TANGO6: variants seen among roughly 807,000 people sequenced by gnomAD.
The protein encoded by TANGO6 is transport and Golgi organization protein 6 homolog.
Under a neutral mutation model 114.2 loss-of-function variants are expected in TANGO6, and 90 were observed. That is an observed-to-expected ratio of 0.79 (90% CI 0.66 to 0.94). TANGO6 has a LOEUF of 0.94. TANGO6 is among the 40% of genes least tolerant of loss of function. The probability of loss-of-function intolerance (pLI) is 0.00; values close to 1 mark genes in which losing one functional copy is unlikely to be tolerated. For synonymous variants in TANGO6, 477 were observed against 509.8 expected (o/e 0.94, Z 0.87); for missense variants, 1,274 against 1,315.3 (o/e 0.97, Z 0.49).
chr16:68,936,863 C>T (rs1047243621), intron 14 of TANGO6, among the ~76,000 whole-genome samples: 3 of 151,780 alleles, frequency 2.0e-5, no homozygotes, highest in African/African-American at 7.3e-5. Flanking sequence ...TGAAAGCATG[C>T]CAGTGTGTAG....
At chr16:68,851,134 TA>T (rs1961896372) in intron 1 of TANGO6, among the ~76,000 whole-genome samples, 1 of 152,092 alleles carries the variant, frequency 6.6e-6, no homozygotes, top group African/African-American at 2.4e-5. Context: ...ATACTATATA[TA>T]TTTTTTTCTG....
At chr16:68,848,966 C>T (rs1596986460) in intron 1 of TANGO6, among the ~76,000 whole-genome samples, 1 of 152,188 alleles carries the variant, frequency 6.6e-6, no homozygotes, top group South Asian at 2.1e-4. Context: ...TTTCCTGCCC[C>T]ATTTTTGAAA....
At chr16:69,063,824 T>TTA (rs1423229985) in intron 17 of TANGO6, among the ~76,000 whole-genome samples, 2 of 143,040 alleles carry the variant, frequency 1.4e-5, no homozygotes, top group Admixed American at 1.4e-4. Context: ...ATTATTATTA[T>TTA]TATTATTATT....
intron 15 of TANGO6, among the ~76,000 whole-genome samples, chr16:68,992,936 G>C (rs1002514335): frequency 2.0e-5 from 3 of 152,076 alleles, no homozygotes; most frequent in African/African-American, 7.2e-5. Flanking sequence ...GGGCGTGGTG[G>C]CTCGCGCCTG....
At chr16:68,943,587 A>G (rs902372636) in intron 14 of TANGO6, among the ~76,000 whole-genome samples, 1 of 151,894 alleles carries the variant, frequency 6.6e-6, no homozygotes, top group South Asian at 2.1e-4. Flanking sequence ...GGATGGTCTC[A>G]ATCTCCTTAC....
At chr16:68,868,219 G>A (rs1298520607) in intron 4 of TANGO6, among the ~76,000 whole-genome samples, 1 of 151,766 alleles carries the variant, frequency 6.6e-6, no homozygotes, top group Non-Finnish European at 1.5e-5. Flanking sequence ...CAAACTTTGG[G>A]ATGAAGTTTT....
intron 7 of TANGO6, among the ~76,000 whole-genome samples, chr16:68,892,499 G>A (rs2152176908): frequency 6.6e-6 from 1 of 151,380 alleles, no homozygotes; most frequent in African/African-American, 2.4e-5. Flanking sequence ...GGTAAGTGGA[G>A]GTTCAGTCTT....
intron 16 of TANGO6, among the ~76,000 whole-genome samples, chr16:69,032,449 G>A (rs933138591): frequency 1.3e-5 from 2 of 151,760 alleles, no homozygotes; most frequent in African/African-American, 4.8e-5. Context: ...TCTATTTTTA[G>A]TAGAGGCAGG....
rs112762612 is a variant in TANGO6 at position 68,948,024 on chromosome 16, G to GATATATATAT, written c.2701+17738_2701+17747dup. Among the ~76,000 whole-genome samples, 402 of 147,658 alleles carry GATATATATAT rather than the reference G, an allele frequency of 2.7e-3. 2 individuals are homozygous for GATATATATAT. Among genetic ancestry groups the GATATATATAT allele is most frequent in the East Asian group, 0.016 (80 of 5,032 alleles). Reference sequence around the variant, plus strand: ...TACCTTATCTTACTACAGTGCAGCTGATATATATATATATATATGATGCCT... The same window carrying GATATATATAT: ...TACCTTATCTTACTACAGTGCAGCTGATATATATATATATATATATATATATATGATGCCT... On this transcript the variant is annotated intron_variant, in intron 14 of 17. Transcript: ENST00000261778.
chr16:68,982,634 T>TTTTTA (rs1963849135), intron 15 of TANGO6, among the ~76,000 whole-genome samples: 1 of 130,428 alleles, frequency 7.7e-6, no homozygotes, highest in African/African-American at 3.2e-5. Context: ...CCTGGCCTTT[T>TTTTTA]TTTTTTTTTT....
At chr16:69,065,569 A>G (rs1011974646) in intron 17 of TANGO6, among the ~76,000 whole-genome samples, 9 of 152,182 alleles carry the variant, frequency 5.9e-5, no homozygotes, top group Admixed American at 2.0e-4. Flanking sequence ...GTAGCCAGAA[A>G]GGGTAAAAGT....
At chr16:68,965,806 CAAT>C (rs1285068350) in intron 14 of TANGO6, among the ~76,000 whole-genome samples, 1 of 151,236 alleles carries the variant, frequency 6.6e-6, no homozygotes, top group Non-Finnish European at 1.5e-5. Flanking sequence ...CTCAAAATAA[CAAT>C]AATAATAATA....
chr16:68,918,392 C>G (rs1304514193), intron 11 of TANGO6, among the ~76,000 whole-genome samples: 3 of 152,164 alleles, frequency 2.0e-5, no homozygotes, highest in Non-Finnish European at 2.9e-5. Flanking sequence ...TACTTTCTTT[C>G]ACGGATTGTG....
Position 69,023,901 on chromosome 16 carries a change from T to A in TANGO6, c.2994+922T>A, listed in dbSNP as rs150198689. On this transcript the variant is annotated intron_variant, in intron 16 of 17. Coordinates refer to ENST00000261778, the MANE Select transcript of TANGO6 (RefSeq NM_024562.2). Reference sequence around the variant, plus strand: ...AGAAGCTTTTCTGGTTTTAGAGTTTTTTATTATTATTATTATTATTATTTG... The same window carrying A: ...AGAAGCTTTTCTGGTTTTAGAGTTTATTATTATTATTATTATTATTATTTG... Among the ~76,000 whole-genome samples the A allele has an allele frequency of 1.3e-3, 197 of 151,896 alleles. 2 individuals are homozygous for A. The highest frequency in any genetic ancestry group is 1.9e-3 in the African/African-American group (79 of 41,454).
At chr16:69,011,309 G>T (rs1486741180) in intron 15 of TANGO6, among the ~76,000 whole-genome samples, 1 of 152,130 alleles carries the variant, frequency 6.6e-6, no homozygotes, top group Non-Finnish European at 1.5e-5. Flanking sequence ...AGTTTTAAAA[G>T]AATGGTGTAA....
At chr16:69,022,419 A>G (rs919343049) in intron 15 of TANGO6, among the ~76,000 whole-genome samples, 10 of 152,006 alleles carry the variant, frequency 6.6e-5, no homozygotes, top group African/African-American at 2.2e-4. Flanking sequence ...AGAATAAGAC[A>G]TTGGTCATGT....
intron 17 of TANGO6, among the ~76,000 whole-genome samples, chr16:69,080,313 C>T (rs556784983): frequency 4.6e-5 from 7 of 152,058 alleles, no homozygotes; most frequent in East Asian, 3.9e-4. Flanking sequence ...CTTGGTGGCT[C>T]ATGCCTGTAA....
intron 7 of TANGO6, among the ~76,000 whole-genome samples, chr16:68,881,236 G>A (rs1229511955): frequency 3.3e-5 from 5 of 152,210 alleles, no homozygotes; most frequent in African/African-American, 7.2e-5. Flanking sequence ...ACATGGAGCC[G>A]GGCATGGTGG....
At chr16:68,911,282 A>T (rs1242190696) in intron 11 of TANGO6, among the ~76,000 whole-genome samples, 2 of 151,988 alleles carry the variant, frequency 1.3e-5, no homozygotes, top group African/African-American at 4.8e-5. Flanking sequence ...TTTCAGTTGG[A>T]AATATTAGTA....
Sources: allele counts gnomAD v4.1 joint callset (sites outside exome capture counted in the v4.1 genomes callset), GRCh38; gene constraint gnomAD v4.1.1; transcripts MANE v1.5; gene names NCBI Gene and HGNC (gene_info 2026-07-23, HGNC 2026-07-21).